SLFN13: variants seen among roughly 807,000 people sequenced by gnomAD.
SLFN13 encodes schlafen family member 13, also known as schlafen-13.
Under a neutral mutation model 50.6 loss-of-function variants are expected in SLFN13, and 43 were observed. The observed-to-expected ratio is 0.85, with a 90% confidence interval of 0.67 to 1.09. SLFN13 has a LOEUF of 1.09. Ranked by LOEUF, SLFN13 falls within the 50% of genes least tolerant of loss-of-function variation. The pLI, the probability that SLFN13 is intolerant of heterozygous loss-of-function variation, is 0.00. For missense variants in SLFN13, 881 were observed against 1,071.1 expected (o/e 0.82, Z 2.48); for synonymous variants, 339 against 386.5 (o/e 0.88, Z 1.44).
chr17:35,449,175 G>C (rs573374284), upstream of SLFN13, among the ~76,000 whole-genome samples: 4 of 151,876 alleles, frequency 2.6e-5, no homozygotes, highest in Non-Finnish European at 5.9e-5. Context: ...AGGAAGTCCA[G>C]GGTAAAGTGA....
chr17:35,445,131 A>T lies in SLFN13; in HGVS notation c.550T>A (p.Ser184Thr). Residue 184 changes from serine (S) to threonine (T), a missense_variant, in exon 3 of 6, where the codon TCT (serine) becomes ACT (threonine). Ser to Thr is a moderately conservative substitution (Grantham distance 58). This residue lies in a region of SLFN13 where 497 missense variants were observed against 518.3 expected (regional missense o/e 0.96). Transcript: ENST00000285013. The stretch of plus-strand genomic sequence containing the variant: ...ACTTCATATGCAGGATTTGACTCAG[A>T]TATGTTCTGGTATACAGCTTTCATA... ...KIMKAVYQNI[S>T]ESNPAYEVFQ... 6.2e-7 allele frequency: 1 copy of T among 1,613,348 alleles called. No homozygotes were observed. Among genetic ancestry groups the T allele is most frequent in the Non-Finnish European group, 8.5e-7 (1 of 1,180,020 alleles).
rs952147521 is a variant in SLFN13 at position 35,440,618 on chromosome 17, G to A, written c.2671C>T (p.Gln891Ter). The A allele has an allele frequency of 6.2e-7, 1 of 1,614,184 alleles. No homozygotes were observed. Among genetic ancestry groups the A allele is most frequent in the South Asian group, 1.1e-5 (1 of 91,088 alleles). ...ILICLASRAKQHLYIFL is the reference protein window; with the variant it reads ...ILICLASRAK ...CTTCACAGAAAAATATATAGGTGCT[G>A]TTTTGCCCTGGAAGCCAGACAGATC... The change falls in exon 6 of 6, where the codon CAG (glutamine) becomes TAG (stop). Residue 891 changes from glutamine to a stop codon, truncating the protein, a stop_gained. Transcript: ENST00000285013. LOFTEE classifies it high-confidence loss of function.
rs1316775328 is a variant in SLFN13, at chr17:35,438,920, A to T, written c.*1675T>A. The stretch of plus-strand genomic sequence containing the variant: ...AGCATTGTTAAGTATCAGTGTTTTT[A>T]GTTTGATGAATGATCATACAGCTGT... On this transcript the variant is annotated 3_prime_UTR_variant, in exon 6 of 6. Coordinates refer to ENST00000285013, the MANE Select transcript of SLFN13 (RefSeq NM_144682.6). 4.6e-5 allele frequency: 7 copies of T among 152,244 alleles called. No homozygotes were observed. Among genetic ancestry groups the T allele is most frequent in the Non-Finnish European group, 8.8e-5 (6 of 68,006 alleles). 9.4% of individuals were successfully genotyped at this position (152,244 alleles called of 1,614,324 possible). A position where few individuals can be genotyped will look rare whatever the true frequency, so the allele number is the denominator to read the frequency against.
intron 4 of SLFN13, among the ~76,000 whole-genome samples, chr17:35,443,250 G>A (rs1488740576): frequency 6.6e-6 from 1 of 152,130 alleles, no homozygotes; most frequent in Non-Finnish European, 1.5e-5. Context: ...TTATTATTTG[G>A]TGCCACCTTT....
In SLFN13 at chr17:35,440,231, C is replaced by A; in HGVS notation, c.*364G>T. ...CTACACGAAGTCACATAAAAGAACT[C>A]GAGAACTCCAGCCTTGGAAGAAAGG... is the stretch of plus-strand genomic sequence containing the variant. On this transcript the variant is annotated 3_prime_UTR_variant, in exon 6 of 6. Transcript: ENST00000285013. 1.4e-5 allele frequency: 3 copies of A among 212,290 alleles called. No individual in the cohort carries two copies. The highest frequency in any genetic ancestry group is 2.1e-4 in the East Asian group (2 of 9,422). The allele number at this position is 212,290 out of a possible 1,614,324, so 13.2% of individuals were successfully genotyped here.
Position 35,439,407 on chromosome 17 carries a change from G to A in SLFN13, c.*1188C>T, listed in dbSNP as rs1304334759. 2 of 152,134 alleles carry A rather than the reference G, an allele frequency of 1.3e-5. No individual in the cohort carries two copies. The highest frequency in any genetic ancestry group is 4.8e-5 in the African/African-American group (2 of 41,434). 9.4% of individuals were successfully genotyped at this position (152,134 alleles called of 1,614,324 possible). ...TCAAGAATGACATAAAACTTAAGTAGTTATGCTATAGAGTAATGCATACAG... is the reference window on the plus strand; with the variant it reads ...TCAAGAATGACATAAAACTTAAGTAATTATGCTATAGAGTAATGCATACAG... On this transcript the variant is annotated 3_prime_UTR_variant, in exon 6 of 6. Transcript: ENST00000285013.
In SLFN13 at chr17:35,437,908, A is replaced by C. The variant is rs1008617502; in HGVS notation, c.*2687T>G. 6 of 152,268 alleles carry C rather than the reference A, an allele frequency of 3.9e-5. No homozygotes were observed. The highest frequency in any genetic ancestry group is 3.4e-3 in the Middle Eastern group (1 of 294). The allele number at this position is 152,268 out of a possible 1,614,324, so 9.4% of individuals were successfully genotyped here. A position where few individuals can be genotyped will look rare whatever the true frequency, so the allele number is the denominator to read the frequency against. On this transcript the variant is annotated 3_prime_UTR_variant, in exon 6 of 6. Transcript: ENST00000285013. ...AGATCTTTAATGAAGCAGGTCCTAT[A>C]TGACTAGAGCCAAATTACAGAGATA... is the stretch of plus-strand genomic sequence containing the variant.
Position 35,444,595 on chromosome 17 carries a change from A to T in SLFN13, c.1066+20T>A. ...GAAGAGGTAGAAAGGTCAGGAAGGG[A>T]GAATCTGGTTCCCTCTTACCTGGAT... On this transcript the variant is annotated intron_variant, in intron 3 of 5. Coordinates refer to ENST00000285013, the MANE Select transcript of SLFN13 (RefSeq NM_144682.6). The T allele has an allele frequency of 1.2e-6, 2 of 1,601,838 alleles. No individual in the cohort carries two copies. The highest frequency in any genetic ancestry group is 1.7e-6 in the Non-Finnish European group (2 of 1,171,086).
intron 2 of SLFN13, 131 bp from the exon 3 acceptor site, chr17:35,445,824 T>G: frequency 1.3e-6 from 1 of 772,222 alleles, no homozygotes; most frequent in Non-Finnish European, 2.0e-6. Context: ...AAGACAGGTA[T>G]AGTCTCTTTA....
At chr17:35,447,118 C>T (rs910631071) in intron 2 of SLFN13, 150 bp downstream of exon 2, 2 of 152,240 alleles carry the variant, frequency 1.3e-5, no homozygotes, top group African/African-American at 4.8e-5. Flanking sequence ...CCAGCTCTTC[C>T]TTTGGGTATA....
At chr17:35,441,530 T>C (rs373473326) in intron 5 of SLFN13, 33 bp downstream of exon 5, 1 of 1,611,460 alleles carries the variant, frequency 6.2e-7, no homozygotes, top group Non-Finnish European at 8.5e-7. Flanking sequence ...CCAGATTAAA[T>C]AAAACTTAAA....
Position 35,441,471 on chromosome 17 carries a change from T to C in SLFN13, c.1922+92A>G, listed in dbSNP as rs1185542478. 9 of 1,594,074 alleles carry C rather than the reference T, an allele frequency of 5.6e-6. No homozygotes were observed. In the East Asian group the frequency reaches 8.9e-5, roughly 16 times the overall value. On this transcript the variant is annotated intron_variant, in intron 5 of 5. Transcript: ENST00000285013. Reference sequence around the variant, plus strand: ...CACAGTATATTGCCACAGATCATTTTACCACTCAATTCTCAAGGAAGAAGG... The same window carrying C: ...CACAGTATATTGCCACAGATCATTTCACCACTCAATTCTCAAGGAAGAAGG...
In SLFN13 at chr17:35,438,538, C is replaced by A. The variant is rs1227675203; in HGVS notation, c.*2057G>T. 1 of 152,078 alleles carries A rather than the reference C, an allele frequency of 6.6e-6. No homozygotes were observed. The highest frequency in any genetic ancestry group is 2.4e-5 in the African/African-American group (1 of 41,424). The allele number at this position is 152,078 out of a possible 1,614,324, so 9.4% of individuals were successfully genotyped here. A position where few individuals can be genotyped will look rare whatever the true frequency, so the allele number is the denominator to read the frequency against. ...CCAGGGAGTTTACTAAGAACATTTA[C>A]AAAGATAGCTTTTTGGTGCTGAGCT... On this transcript the variant is annotated 3_prime_UTR_variant, in exon 6 of 6. Transcript: ENST00000285013.
chr17:35,441,346 G>C lies in SLFN13; in HGVS notation c.1943C>G (p.Ala648Gly), dbSNP rs558193921. 91 of 1,605,968 alleles carry C rather than the reference G, an allele frequency of 5.7e-5. No homozygotes were observed. In the African/African-American group the frequency reaches 1.1e-3, roughly 20 times the overall value. Residue 648 changes from alanine (A) to glycine (G), a missense_variant, in exon 6 of 6, where the codon GCA (alanine) becomes GGA (glycine). Ala to Gly is a moderately conservative substitution (Grantham distance 60). This residue lies in a region of SLFN13 where 322 missense variants were observed against 327.4 expected (regional missense o/e 0.98). Coordinates refer to ENST00000285013, the MANE Select transcript of SLFN13 (RefSeq NM_144682.6). Reference protein sequence around the residue: ...NFISDRNICRAETRETFLREK... With the variant: ...NFISDRNICRGETRETFLREK... ...TCTTAGGAAAGTTTCCCGGGTCTCT[G>C]CTCGGCAGATATTTCTATCACTGTA...
At position 35,436,164 on chromosome 17, in the gene SLFN13, T is replaced by C. The variant is rs1439210120; in HGVS notation, c.*4431A>G. ...CTCATGAAATTAGTTAGGAACTGTTTCCTCTTTCTAGGAAAGCATTTGAAT... is the reference window on the plus strand; with the variant it reads ...CTCATGAAATTAGTTAGGAACTGTTCCCTCTTTCTAGGAAAGCATTTGAAT... On this transcript the variant is annotated 3_prime_UTR_variant, in exon 6 of 6. Transcript: ENST00000285013. 6.6e-6 allele frequency: 1 copy of C among 152,152 alleles called. No homozygotes were observed. The highest frequency in any genetic ancestry group is 2.4e-5 in the African/African-American group (1 of 41,448). 9.4% of individuals were successfully genotyped at this position (152,152 alleles called of 1,614,324 possible). A position where few individuals can be genotyped will look rare whatever the true frequency, so the allele number is the denominator to read the frequency against.
In SLFN13 at chr17:35,441,547, A is replaced by G. The variant is rs1912893511; in HGVS notation, c.1922+16T>C. 1 of 1,611,360 alleles carries G rather than the reference A, an allele frequency of 6.2e-7. No homozygotes were observed. The highest frequency in any genetic ancestry group is 1.4e-5 in the African/African-American group (1 of 73,676). ...AGATTAAATAAAACTTAAAGACGTA[A>G]GATCCAACTGCTTACCTGATAAAGT... On this transcript the variant is annotated intron_variant, in intron 5 of 5. Coordinates refer to ENST00000285013, the MANE Select transcript of SLFN13 (RefSeq NM_144682.6).
chr17:35,438,124 A>AAG lies in SLFN13; in HGVS notation c.*2470_*2471insCT, dbSNP rs1912692729. The AAG allele has an allele frequency of 6.6e-6, 1 of 151,726 alleles. No homozygotes were observed. Among genetic ancestry groups the AAG allele is most frequent in the Non-Finnish European group, 1.5e-5 (1 of 67,904 alleles). The allele number at this position is 151,726 out of a possible 1,614,324, so 9.4% of individuals were successfully genotyped here. On this transcript the variant is annotated 3_prime_UTR_variant, in exon 6 of 6. Transcript: ENST00000285013. The stretch of plus-strand genomic sequence containing the variant: ...TTTCTCTTTAAAAAAAAAAAAAAAA[A>AAG]AAATTTACAGTTAATCTTGCTTAAT...
rs1241432264 is a variant in SLFN13, at chr17:35,445,538, C to G, written c.143G>C (p.Arg48Pro). The G allele has an allele frequency of 6.2e-7, 1 of 1,613,956 alleles. No individual in the cohort carries two copies. Among genetic ancestry groups the G allele is most frequent in the East Asian group, 2.2e-5 (1 of 44,890 alleles). Reference protein sequence around the residue: ...QRDQERARVIRAACALLNSGG... With the variant: ...QRDQERARVIPAACALLNSGG... ...TGAGTTTAATAAAGCACACGCGGCC[C>G]GTATAACTCTCGCCCTCTCTTGGTC... The change falls in exon 3 of 6, where the codon CGG becomes CCG. Residue 48 changes from arginine (R) to proline (P), a missense_variant. By Grantham distance (103) the Arg-to-Pro change is moderately radical. Transcript: ENST00000285013.
rs1407819225 is a variant in SLFN13, at chr17:35,440,261, A to C, written c.*334T>G. On this transcript the variant is annotated 3_prime_UTR_variant, in exon 6 of 6. Transcript: ENST00000285013. ...ACTCCAGCCTTGGAAGAAAGGCCAC[A>C]GGCTGAGTTTCTTATTTTTATGGCT... is the stretch of plus-strand genomic sequence containing the variant. The C allele has an allele frequency of 5.2e-5, 13 of 249,684 alleles. No homozygotes were observed. In the East Asian group the frequency reaches 9.4e-4, roughly 18 times the overall value. The allele number at this position is 249,684 out of a possible 1,614,324, so 15.5% of individuals were successfully genotyped here.
Sources: gnomAD v4.1 joint callset for allele counts (sites outside exome capture counted in the v4.1 genomes callset) on GRCh38, gnomAD v4.1.1 for gene constraint, gnomAD v4.1.1 regional missense constraint, MANE v1.5 for transcripts, NCBI Gene and HGNC (gene_info 2026-07-23, HGNC 2026-07-21) for gene names.